The following SLC30A3 variants were observed in gnomAD, a reference collection of about 807,000 sequenced individuals.
The protein encoded by SLC30A3 is probable proton-coupled zinc antiporter SLC30A3.
Under a neutral mutation model 35.6 loss-of-function variants are expected in SLC30A3, and 20 were observed. That is an observed-to-expected ratio of 0.56 (90% confidence interval 0.39 to 0.82). The LOEUF (loss-of-function observed/expected upper bound fraction) is 0.82, where lower values mean the gene tolerates loss of function less well. Among genes scored for constraint, SLC30A3 ranks in the 40% least tolerant of loss-of-function variants. The probability of loss-of-function intolerance (pLI) is 0.00; values close to 1 mark genes in which losing one functional copy is unlikely to be tolerated. For synonymous variants in SLC30A3, 217 were observed against 224.7 expected (o/e 0.97, Z 0.31); for missense variants, 401 against 530.6 (o/e 0.76, Z 2.40).
rs894119117 is a variant in SLC30A3 at position 27,262,503 on chromosome 2, C to G, written c.95+309G>C. On this transcript the variant is annotated intron_variant, in intron 1 of 7. Transcript: ENST00000233535. This position sits in a 1 kb window ranked among gnomAD's most constrained non-coding sequence, Gnocchi z 7.5. ...GGGCGAGGGCTCCGGCCCGACCGAGCGGCAGCTGCTCCCAGGGAAGGCAGG... is the reference window on the plus strand; with the variant it reads ...GGGCGAGGGCTCCGGCCCGACCGAGGGGCAGCTGCTCCCAGGGAAGGCAGG... Among the ~76,000 whole-genome samples, 1 of 152,006 alleles carries G rather than the reference C, an allele frequency of 6.6e-6. No individual in the cohort carries two copies. The highest frequency in any genetic ancestry group is 1.5e-5 in the Non-Finnish European group (1 of 67,968).
rs1167160125 is a variant in SLC30A3, at chr2:27,255,156, G to T, written c.*156C>A. 3.2e-6 allele frequency: 5 copies of T among 1,578,160 alleles called. No homozygotes were observed. Among genetic ancestry groups the T allele is most frequent in the Non-Finnish European group, 4.3e-6 (5 of 1,169,312 alleles). ...CTTTGGTCTTGCCCACTGGGGCTGG[G>T]GCTGGGGCTGAGGCTGGGGAAACTG... is the stretch of plus-strand genomic sequence containing the variant. On this transcript the variant is annotated 3_prime_UTR_variant, in exon 8 of 8. Transcript: ENST00000233535. The surrounding 1 kb of genome is among the most constrained non-coding windows in gnomAD (Gnocchi z 5.2).
Position 27,255,662 on chromosome 2 carries a change from A to T in SLC30A3, c.1019-202T>A, listed in dbSNP as rs1219006766. On this transcript the variant is annotated intron_variant, in intron 7 of 7. Transcript: ENST00000233535. The surrounding 1 kb of genome is among the most constrained non-coding windows in gnomAD (Gnocchi z 5.2). ...TCACCCCAATCAACCATGCTAACAC[A>T]CTAAACTCTTTCCAGTCTCCTATTC... 1.7e-6 allele frequency: 1 copy of T among 595,732 alleles called. No individual in the cohort carries two copies. Among genetic ancestry groups the T allele is most frequent in the Non-Finnish European group, 3.0e-6 (1 of 338,666 alleles). 36.9% of individuals were successfully genotyped at this position (595,732 alleles called of 1,614,324 possible).
chr2:27,257,053 G>A lies in SLC30A3; in HGVS notation c.777+101C>T. ...GGAGAGTCCTGGGAGGTGGGAGGGA[G>A]GAGCTGGAGGGAGGAGGAAGGAAGC... On this transcript the variant is annotated intron_variant, in intron 5 of 7. Transcript: ENST00000233535. The surrounding 1 kb of genome is among the most constrained non-coding windows in gnomAD (Gnocchi z 4.7). The A allele has an allele frequency of 8.0e-7, 1 of 1,249,764 alleles. No homozygotes were observed. The highest frequency in any genetic ancestry group is 1.2e-6 in the Non-Finnish European group (1 of 854,786). 77.4% of individuals were successfully genotyped at this position (1,249,764 alleles called of 1,614,324 possible). A position where few individuals can be genotyped will look rare whatever the true frequency, so the allele number is the denominator to read the frequency against.
chr2:27,274,964 G>A (rs939384475), intron 1 of SLC30A3, among the ~76,000 whole-genome samples: 6 of 152,184 alleles, frequency 3.9e-5, no homozygotes, highest in Non-Finnish European at 7.3e-5. Context: ...TCATCATTAC[G>A]ATATACTAGG....
Position 27,262,724 on chromosome 2 carries a change from C to A in SLC30A3, c.95+88G>T, listed in dbSNP as rs1202240506. On this transcript the variant is annotated intron_variant, in intron 1 of 7. Coordinates refer to ENST00000233535, the MANE Select transcript of SLC30A3 (RefSeq NM_003459.5). This position sits in a 1 kb window ranked among gnomAD's most constrained non-coding sequence, Gnocchi z 7.5. ...ACCCGCGGTGCGCTGGGGCGGCCGC[C>A]GGGGCCCGCGCCGAGAGAGACAACG... 16 of 1,315,676 alleles carry A rather than the reference C, an allele frequency of 1.2e-5. No homozygotes were observed. The highest frequency in any genetic ancestry group is 1.4e-5 in the Non-Finnish European group (14 of 1,002,004). The allele number at this position is 1,315,676 out of a possible 1,614,324, so 81.5% of individuals were successfully genotyped here.
Position 27,255,685 on chromosome 2 carries a change from TTC to T in SLC30A3, c.1019-227_1019-226del. 1 of 552,718 alleles carries T rather than the reference TTC, an allele frequency of 1.8e-6. No individual in the cohort carries two copies. Among genetic ancestry groups the T allele is most frequent in the Non-Finnish European group, 3.2e-6 (1 of 310,376 alleles). 34.2% of individuals were successfully genotyped at this position (552,718 alleles called of 1,614,324 possible). A position where few individuals can be genotyped will look rare whatever the true frequency, so the allele number is the denominator to read the frequency against. ...ACACTAAACTCTTTCCAGTCTCCTA[TTC>T]TCTCCTGTCATTAAGTGTCAACATA... On this transcript the variant is annotated intron_variant, in intron 7 of 7. Transcript: ENST00000233535. This position sits in a 1 kb window ranked among gnomAD's most constrained non-coding sequence, Gnocchi z 5.2.
At position 27,255,384 on chromosome 2, in the gene SLC30A3, G is replaced by A; in HGVS notation, c.1095C>T (p.Cys365=). The part of the protein sequence containing the change: ...RLYSRFGFSS[C]TLQVEQYQPE... ...GCTGATACTGCTCGACCTGCAGGGT[G>A]CAGCTGGAGAATCCAAACCGGGAGT... Residue 365 remains cysteine, a synonymous_variant, in exon 8 of 8, where the codon TGC becomes TGT. Coordinates refer to ENST00000233535, the MANE Select transcript of SLC30A3 (RefSeq NM_003459.5). The surrounding 1 kb of genome is among the most constrained non-coding windows in gnomAD (Gnocchi z 5.2). 1.9e-6 allele frequency: 3 copies of A among 1,614,196 alleles called. No homozygotes were observed. Among genetic ancestry groups the A allele is most frequent in the Non-Finnish European group, 2.5e-6 (3 of 1,180,030 alleles).
intron 1 of SLC30A3, among the ~76,000 whole-genome samples, chr2:27,261,467 G>C (rs949350616): frequency 6.6e-6 from 1 of 152,182 alleles, no homozygotes; most frequent in African/African-American, 2.4e-5. Context: ...CAGAGGCTGG[G>C]TGGCTTTGGG....
intron 1 of SLC30A3, among the ~76,000 whole-genome samples, chr2:27,268,679 T>C (rs796372069): frequency 4.5e-4 from 67 of 150,434 alleles, no homozygotes; most frequent in African/African-American, 1.6e-3. Flanking sequence ...CGTGAACTTG[T>C]GCCACTGCAC....
chr2:27,265,496 T>C (rs187908253), upstream of SLC30A3, among the ~76,000 whole-genome samples: 3 of 152,198 alleles, frequency 2.0e-5, no homozygotes, highest in African/African-American at 7.2e-5. The surrounding 1 kb of genome is among the most constrained non-coding windows in gnomAD (Gnocchi z 5.9). Context: ...CAGGATTTAA[T>C]CTGGGCTGGA....
chr2:27,263,001 C>A lies in SLC30A3; in HGVS notation c.-95G>T, dbSNP rs1031136157. On this transcript the variant is annotated 5_prime_UTR_variant, in exon 1 of 8. Transcript: ENST00000233535. ...CGAGCAGCCCGCCGACCCCCGGGAT[C>A]CCCGCAGGGCGGCGGGGCCACCAGA... The A allele has an allele frequency of 3.5e-6, 5 of 1,414,614 alleles. No individual in the cohort carries two copies. Among genetic ancestry groups the A allele is most frequent in the Non-Finnish European group, 4.6e-6 (5 of 1,092,176 alleles). 87.6% of individuals were successfully genotyped at this position (1,414,614 alleles called of 1,614,324 possible).
chr2:27,260,271 T>C (rs1331703953), intron 1 of SLC30A3, among the ~76,000 whole-genome samples: 1 of 151,694 alleles, frequency 6.6e-6, no homozygotes, highest in Non-Finnish European at 1.5e-5. Context: ...AGAGCTGGGG[T>C]TGTCATGGGA....
At chr2:27,259,877 A>G (rs1572476041) in intron 1 of SLC30A3, among the ~76,000 whole-genome samples, 1 of 152,326 alleles carries the variant, frequency 6.6e-6, no homozygotes, top group South Asian at 2.1e-4. Context: ...GGCCACTGTC[A>G]TTAGGGCAGT....
chr2:27,260,997 T>C (rs1403356827), intron 1 of SLC30A3, among the ~76,000 whole-genome samples: 2 of 152,082 alleles, frequency 1.3e-5, no homozygotes, highest in African/African-American at 4.8e-5. Context: ...AGGTTGATGC[T>C]AGGAGGGTTA....
Position 27,262,677 on chromosome 2 carries a change from G to T in SLC30A3, c.95+135C>A. 1.2e-6 allele frequency: 1 copy of T among 831,024 alleles called. No homozygotes were observed. Among genetic ancestry groups the T allele is most frequent in the Non-Finnish European group, 1.8e-6 (1 of 567,754 alleles). The allele number at this position is 831,024 out of a possible 1,614,324, so 51.5% of individuals were successfully genotyped here. On this transcript the variant is annotated intron_variant, in intron 1 of 7. Coordinates refer to ENST00000233535, the MANE Select transcript of SLC30A3 (RefSeq NM_003459.5). The surrounding 1 kb of genome is among the most constrained non-coding windows in gnomAD (Gnocchi z 7.5). ...GCTCCGTGTGGCCAGAGGGGATGAA[G>T]CGGGGTGCAGCGGAGCGAGGGACCC...
Position 27,262,539 on chromosome 2 carries a change from G to A in SLC30A3, c.95+273C>T, listed in dbSNP as rs1269187504. Among the ~76,000 whole-genome samples the A allele has an allele frequency of 3.9e-5, 6 of 152,110 alleles. No homozygotes were observed. Among genetic ancestry groups the A allele is most frequent in the Non-Finnish European group, 8.8e-5 (6 of 68,004 alleles). ...CCCAGGGAAGGCAGGCGCCGCGGGGGTGGCGGAGGGGTCCGGCGGCCTGGG... is the reference window on the plus strand; with the variant it reads ...CCCAGGGAAGGCAGGCGCCGCGGGGATGGCGGAGGGGTCCGGCGGCCTGGG... On this transcript the variant is annotated intron_variant, in intron 1 of 7. Coordinates refer to ENST00000233535, the MANE Select transcript of SLC30A3 (RefSeq NM_003459.5). The surrounding 1 kb of genome is among the most constrained non-coding windows in gnomAD (Gnocchi z 7.5).
Position 27,255,431 on chromosome 2 carries a change from C to A in SLC30A3, c.1048G>T (p.Ala350Ser). Residue 350 changes from alanine (A) to serine (S), a missense_variant, in exon 8 of 8, where the codon GCT becomes TCT. By Grantham distance (99) the Ala-to-Ser change is moderately conservative. Around this residue, in one of 3 missense-constraint regions of SLC30A3, gnomAD observed 296 missense variants for 392.6 expected, o/e 0.75. Transcript: ENST00000233535. The surrounding 1 kb of genome is among the most constrained non-coding windows in gnomAD (Gnocchi z 5.2). ...DSTADPEAVL[A>S]EASSRLYSRF... Reference sequence around the variant, plus strand: ...GAGTAGAGCCGGGATGAGGCTTCAGCCAGGACGGCTTCAGGGTCAGCGGTG... The same window carrying A: ...GAGTAGAGCCGGGATGAGGCTTCAGACAGGACGGCTTCAGGGTCAGCGGTG... The A allele has an allele frequency of 6.2e-7, 1 of 1,613,866 alleles. No individual in the cohort carries two copies. Among genetic ancestry groups the A allele is most frequent in the Non-Finnish European group, 8.5e-7 (1 of 1,179,978 alleles).
upstream of SLC30A3, among the ~76,000 whole-genome samples, chr2:27,264,345 A>C (rs2148141092): frequency 6.6e-6 from 1 of 152,332 alleles, no homozygotes; most frequent in Middle Eastern, 3.4e-3. This position sits in a 1 kb window ranked among gnomAD's most constrained non-coding sequence, Gnocchi z 6.1. Flanking sequence ...TTGCAAAAAA[A>C]CAAAACAAAA....
rs745429257 is a variant in SLC30A3, at chr2:27,257,317, TG to T, written c.613del (p.His205ThrfsTer260). On this transcript the variant is annotated frameshift_variant, in exon 5 of 8. Transcript: ENST00000233535. LOFTEE classifies it high-confidence loss of function. The surrounding 1 kb of genome is among the most constrained non-coding windows in gnomAD (Gnocchi z 4.7). ...CTCTGCTCCCCTAGACCCGTGGCTG[TG>T]GGGGGGCCCAGCCTGGTGCAGCACA... ...AFVLHQAGPP[H>X]SHGSRGAEYA... 1 of 1,613,216 alleles carries T rather than the reference TG, an allele frequency of 6.2e-7. No individual in the cohort carries two copies. Among genetic ancestry groups the T allele is most frequent in the Non-Finnish European group, 8.5e-7 (1 of 1,179,700 alleles).
Sources: gnomAD v4.1 joint callset for allele counts (sites outside exome capture counted in the v4.1 genomes callset) on GRCh38, gnomAD v4.1.1 for gene constraint, gnomAD v4.1.1 regional missense constraint, Gnocchi (gnomAD v3.1) non-coding constraint, MANE v1.5 for transcripts, NCBI Gene and HGNC (gene_info 2026-07-23, HGNC 2026-07-21) for gene names.